The following SLC38A4 variants were observed in gnomAD, a reference collection of about 807,000 sequenced individuals.
SLC38A4 encodes the protein sodium-coupled neutral amino acid transporter 4.
Under a neutral mutation model 63.1 loss-of-function variants are expected in SLC38A4, and 20 were observed. The observed-to-expected ratio is 0.32, with a 90% CI of 0.22 to 0.46. The LOEUF (loss-of-function observed/expected upper bound fraction) is 0.46, where lower values mean the gene tolerates loss of function less well. SLC38A4 is among the 20% of genes least tolerant of loss of function. The pLI, the probability that SLC38A4 is intolerant of heterozygous loss-of-function variation, is 1.00. For synonymous variants in SLC38A4, 230 were observed against 225.5 expected, an observed-to-expected ratio of 1.02 and a Z score of -0.18; for missense variants, 526 against 663.6, an observed-to-expected ratio of 0.79 and a Z score of 2.28.
upstream of SLC38A4, among the ~76,000 whole-genome samples, chr12:46,830,087 T>G (rs1939708674): frequency 6.6e-6 from 1 of 152,090 alleles, no homozygotes; most frequent in African/African-American, 2.4e-5. Context: ...AAAAAGTTAT[T>G]TATCTCTTTA....
intron 1 of SLC38A4, among the ~76,000 whole-genome samples, chr12:46,817,165 A>G (rs1337521335): frequency 6.6e-6 from 1 of 152,002 alleles, no homozygotes; most frequent in Non-Finnish European, 1.5e-5. Context: ...AATAATAAAT[A>G]CAATTAAATT....
chr12:46,814,119 T>C (rs1380628592), intron 1 of SLC38A4, among the ~76,000 whole-genome samples: 2 of 152,044 alleles, frequency 1.3e-5, no homozygotes, highest in Non-Finnish European at 2.9e-5. Context: ...ACAAGGTATT[T>C]CTATTGTTCT....
rs188387997 is a variant in SLC38A4, at chr12:46,817,088, A to G, written c.-305+8815T>C. Among the ~76,000 whole-genome samples, 489 of 151,956 alleles carry G rather than the reference A, an allele frequency of 3.2e-3. 4 individuals are homozygous for G. Among genetic ancestry groups the G allele is most frequent in the African/African-American group, 0.011 (465 of 41,506 alleles). On this transcript the variant is annotated intron_variant, in intron 1 of 16. Transcript: ENST00000266579. ...GGGGCCAGGCTTGTGTATATCTGTAAAACATTTTCACACAAATAAAAGTAA... is the reference window on the plus strand; with the variant it reads ...GGGGCCAGGCTTGTGTATATCTGTAGAACATTTTCACACAAATAAAAGTAA...
In SLC38A4 at chr12:46,790,875, G is replaced by T. The variant is rs1019974614; in HGVS notation, c.119+2078C>A. 5.9e-5 allele frequency among the ~76,000 whole-genome samples: 9 copies of T among 151,424 alleles called. No individual in the cohort carries two copies. The South Asian group carries it at 1.9e-3, about 31-fold the overall frequency. ...AATTTCTCAAAAATTTACATTTAAG[G>T]GTTCAATCCAAACCACACATAGATA... On this transcript the variant is annotated intron_variant, in intron 3 of 16. Coordinates refer to ENST00000266579, the MANE Select transcript of SLC38A4 (RefSeq NM_018018.5).
In SLC38A4 at chr12:46,779,591, C is replaced by CA. The variant is rs779732514; in HGVS notation, c.717+19dup. 6.3e-7 allele frequency: 1 copy of CA among 1,587,926 alleles called. No individual in the cohort carries two copies. The highest frequency in any genetic ancestry group is 1.2e-5 in the South Asian group (1 of 85,574). On this transcript the variant is annotated intron_variant, in intron 10 of 16. Transcript: ENST00000266579. ...CTCATGCTAACCAACCTGCAAGGAT[C>CA]ATGTCATCACATCACTTACCACACT...
chr12:46,801,720 C>T (rs968238308), intron 2 of SLC38A4, among the ~76,000 whole-genome samples: 2 of 152,184 alleles, frequency 1.3e-5, no homozygotes, highest in South Asian at 4.1e-4. Flanking sequence ...GTAGCTTTTA[C>T]ACTACAATCA....
rs987497389 is a variant in SLC38A4 at position 46,803,640 on chromosome 12, C to G, written c.-150G>C. 6.6e-6 allele frequency: 1 copy of G among 151,898 alleles called. No homozygotes were observed. Among genetic ancestry groups the G allele is most frequent in the African/African-American group, 2.4e-5 (1 of 41,378 alleles). The allele number at this position is 151,898 out of a possible 1,614,324, so 9.4% of individuals were successfully genotyped here. A position where few individuals can be genotyped will look rare whatever the true frequency, so the allele number is the denominator to read the frequency against. ...TCCAGTCCTGTGCAGGCTTTCCTGACTTGTTTGGAATGGCAGACCCGTGTA... is the reference window on the plus strand; with the variant it reads ...TCCAGTCCTGTGCAGGCTTTCCTGAGTTGTTTGGAATGGCAGACCCGTGTA... On this transcript the variant is annotated 5_prime_UTR_variant, in exon 2 of 17. Coordinates refer to ENST00000266579, the MANE Select transcript of SLC38A4 (RefSeq NM_018018.5).
At chr12:46,818,394 G>A (rs1038157732) in intron 1 of SLC38A4, among the ~76,000 whole-genome samples, 14 of 151,678 alleles carry the variant, frequency 9.2e-5, no homozygotes, top group African/African-American at 3.1e-4. Context: ...GATTATTTTA[G>A]CTAAATCAGA....
intron 1 of SLC38A4, among the ~76,000 whole-genome samples, chr12:46,824,764 AGATAAT>A (rs1036188048): frequency 2.0e-5 from 3 of 152,236 alleles, no homozygotes; most frequent in African/African-American, 7.2e-5. Context: ...GAGCAGGTGG[AGATAAT>A]GATAAAGAGG....
At chr12:46,794,948 A>C (rs1938970328) in intron 2 of SLC38A4, among the ~76,000 whole-genome samples, 1 of 151,982 alleles carries the variant, frequency 6.6e-6, no homozygotes, top group African/African-American at 2.4e-5. Flanking sequence ...AGCAGGTTAA[A>C]AGCTAAGAGA....
chr12:46,827,983 G>A (rs1939682294), upstream of SLC38A4, among the ~76,000 whole-genome samples: 1 of 152,274 alleles, frequency 6.6e-6, no homozygotes. Flanking sequence ...GAGGGGCAGA[G>A]CTAAGGGACA....
In SLC38A4 at chr12:46,781,295, A is replaced by G. The variant is rs541104241; in HGVS notation, c.494-1265T>C. ...CTGTCAAAGTGAAATGATTTTTACA[A>G]TAGCGGATGTACCTTCTGTACACAT... On this transcript the variant is annotated intron_variant, in intron 7 of 16. Transcript: ENST00000266579. Among the ~76,000 whole-genome samples the G allele has an allele frequency of 6.6e-5, 10 of 152,182 alleles. No homozygotes were observed. The South Asian group carries it at 2.1e-3, about 31-fold the overall frequency.
intron 1 of SLC38A4, among the ~76,000 whole-genome samples, chr12:46,816,309 A>G (rs1379921372): frequency 6.6e-6 from 1 of 151,882 alleles, no homozygotes; most frequent in African/African-American, 2.4e-5. Flanking sequence ...TTGGATGCAT[A>G]ATATTGACTC....
intron 7 of SLC38A4, among the ~76,000 whole-genome samples, chr12:46,783,059 T>TGTGTGTGTGTGTGTGTGTGTGTGTGTGTG (rs10691484): frequency 7.3e-6 from 1 of 136,286 alleles, no homozygotes; most frequent in Non-Finnish European, 1.6e-5. Flanking sequence ...TGTGTGTGTG[T>TGTGTGTGTGTGTGTGTGTGTGTGTGTGTG]TAGGGTTGGA....
chr12:46,797,336 A>C (rs572959792), intron 2 of SLC38A4, among the ~76,000 whole-genome samples: 1 of 152,124 alleles, frequency 6.6e-6, no homozygotes, highest in South Asian at 2.1e-4. Flanking sequence ...TCCTCCAAAC[A>C]CTCCAGGTTC....
intron 1 of SLC38A4, among the ~76,000 whole-genome samples, chr12:46,806,597 T>G (rs377744106): frequency 7.2e-5 from 11 of 152,170 alleles, no homozygotes; most frequent in African/African-American, 2.6e-4. Flanking sequence ...TGTATTCCTA[T>G]TTCTTTTTAT....
intron 14 of SLC38A4, among the ~76,000 whole-genome samples, chr12:46,773,700 G>A (rs1307256337): frequency 6.6e-6 from 1 of 152,096 alleles, no homozygotes; most frequent in Admixed American, 6.6e-5. Context: ...GCAGCCCTCA[G>A]TGTTGGGCTA....
At chr12:46,796,356 G>T (rs1489061665) in intron 2 of SLC38A4, among the ~76,000 whole-genome samples, 1 of 151,932 alleles carries the variant, frequency 6.6e-6, no homozygotes, top group Non-Finnish European at 1.5e-5. Context: ...TAAATTATAC[G>T]TTTCTTCTGA....
At chr12:46,811,740 T>G (rs1939343351) in intron 1 of SLC38A4, among the ~76,000 whole-genome samples, 1 of 152,000 alleles carries the variant, frequency 6.6e-6, no homozygotes, top group South Asian at 2.1e-4. Context: ...CTTCTTACAT[T>G]GCATCCCTCG....
Sources: gnomAD v4.1 joint callset for allele counts (sites outside exome capture counted in the v4.1 genomes callset) on GRCh38, gnomAD v4.1.1 for gene constraint, MANE v1.5 for transcripts, NCBI Gene and HGNC (gene_info 2026-07-23, HGNC 2026-07-21) for gene names.